SENP2: variants seen among roughly 807,000 people sequenced by gnomAD.
SENP2 encodes SUMO specific peptidase 2.
In SENP2, 16 loss-of-function variants were observed where a neutral mutation model predicts 86.3. The observed-to-expected ratio is 0.19, with a 90% CI of 0.13 to 0.28. The LOEUF is 0.28. SENP2 is among the 10% of genes least tolerant of loss of function. The pLI, the probability that SENP2 is intolerant of heterozygous loss-of-function variation, is 1.00. For synonymous variants in SENP2, 222 were observed against 238.7 expected (o/e 0.93, Z 0.64); for missense variants, 552 against 703.0 (o/e 0.79, Z 2.43).
intron 2 of SENP2, among the ~76,000 whole-genome samples, chr3:185,595,081 A>C (rs987551400): frequency 2.0e-5 from 3 of 152,236 alleles, no homozygotes; most frequent in Non-Finnish European, 4.4e-5. Flanking sequence ...GTCTAGTTTC[A>C]GGGAAGTAAG....
Position 185,586,376 on chromosome 3 carries a change from T to G in SENP2, c.-38T>G. 6.2e-7 allele frequency: 1 copy of G among 1,612,394 alleles called. No homozygotes were observed. The highest frequency in any genetic ancestry group is 8.5e-7 in the Non-Finnish European group (1 of 1,179,486). ...CGGCGACAGCTCTGGGGTTTGCGTC[T>G]CGGGGTGTGTCGGCCGCCGCTGCTG... On this transcript the variant is annotated 5_prime_UTR_variant, in exon 1 of 17. Coordinates refer to ENST00000296257, the MANE Select transcript of SENP2 (RefSeq NM_021627.3). The surrounding 1 kb of genome is among the most constrained non-coding windows in gnomAD (Gnocchi z 4.3).
chr3:185,613,027 A>G (rs967249692), intron 9 of SENP2, among the ~76,000 whole-genome samples: 2 of 152,250 alleles, frequency 1.3e-5, no homozygotes, highest in African/African-American at 4.8e-5. Context: ...ACTATGGCCC[A>G]TGGGCCAAAT....
chr3:185,604,978 ACTC>A (rs1722464824), intron 5 of SENP2, among the ~76,000 whole-genome samples: 2 of 145,890 alleles, frequency 1.4e-5, no homozygotes, highest in African/African-American at 5.0e-5. Flanking sequence ...CTGGTCTTGA[ACTC>A]CTGACCTCGT....
rs1722734658 is a variant in SENP2 at position 185,612,653 on chromosome 3, A to G, written c.864A>G (p.Glu288=). Residue 288 remains glutamate (E), a synonymous_variant, in exon 9 of 17, where the codon GAA becomes GAG. Transcript: ENST00000296257. ...GACCTCTATGTTCATTGAGAAGTGA[A>G]AAGAGGTACGTACATTCAGTTCATT... ...TRGPLCSLRS[E]KRCSKGKITD... The G allele has an allele frequency of 1.2e-6, 2 of 1,603,546 alleles. No homozygotes were observed. The highest frequency in any genetic ancestry group is 1.7e-6 in the Non-Finnish European group (2 of 1,170,586).
At chr3:185,628,345 C>G (rs183308076) in intron 16 of SENP2, among the ~76,000 whole-genome samples, 1 of 152,254 alleles carries the variant, frequency 6.6e-6, no homozygotes, top group Admixed American at 6.5e-5. Flanking sequence ...CCATATTGGC[C>G]AGGCTGGTCT....
chr3:185,611,492 T>G, intron 7 of SENP2, 159 bp from the exon 8 acceptor site: 1 of 518,586 alleles, frequency 1.9e-6, no homozygotes, highest in South Asian at 2.6e-5. Context: ...TAGACTCCTT[T>G]TATCCTAGTC....
chr3:185,626,306 T>C lies in SENP2; in HGVS notation c.1620T>C (p.Pro540=). 2.5e-6 allele frequency: 4 copies of C among 1,607,536 alleles called. No homozygotes were observed. The highest frequency in any genetic ancestry group is 3.4e-6 in the Non-Finnish European group (4 of 1,175,452). The change falls in exon 16 of 17, where the codon CCT becomes CCC. Residue 540 remains proline (P), a synonymous_variant. Transcript: ENST00000296257. ...TTTCTTTGTAATTTTAGGAGATTCCTCAACAGCTGAATGGGAGTGATTGTG... is the reference window on the plus strand; with the variant it reads ...TTTCTTTGTAATTTTAGGAGATTCCCCAACAGCTGAATGGGAGTGATTGTG... The part of the protein sequence containing the change: ...THHSMKPHEI[P]QQLNGSDCGM...
At chr3:185,615,425 C>A (rs1711564679) in intron 11 of SENP2, among the ~76,000 whole-genome samples, 1 of 152,182 alleles carries the variant, frequency 6.6e-6, no homozygotes, top group African/African-American at 2.4e-5. Flanking sequence ...CTCACTGCAA[C>A]CTCTGCATCC....
intron 16 of SENP2, among the ~76,000 whole-genome samples, chr3:185,628,060 T>G (rs1348503734): frequency 1.3e-5 from 2 of 152,226 alleles, no homozygotes; most frequent in Non-Finnish European, 2.9e-5. Context: ...TGTTTTGAAC[T>G]ATTTAAAATA....
chr3:185,609,154 C>G (rs1722606030), intron 6 of SENP2, 93 bp from the exon 7 acceptor site: 1 of 765,584 alleles, frequency 1.3e-6, no homozygotes, highest in Non-Finnish European at 2.2e-6. Flanking sequence ...AAACATAGTG[C>G]TGGCAAATAA....
At chr3:185,598,768 T>C (rs75457670) in intron 3 of SENP2, among the ~76,000 whole-genome samples, 190 bp from the exon 4 acceptor site, 13,002 of 152,262 alleles carry the variant, frequency 0.085, 866 homozygotes, top group South Asian at 0.34. Context: ...GCTTTCTTAT[T>C]TAAGGATGTA....
intron 1 of SENP2, among the ~76,000 whole-genome samples, chr3:185,587,209 C>T (rs555916584): frequency 7.3e-5 from 11 of 150,442 alleles, no homozygotes; most frequent in Non-Finnish European, 1.3e-4. Context: ...CTCGGCTTAC[C>T]GCAACCTCCG....
At position 185,604,763 on chromosome 3, in the gene SENP2, C is replaced by CT. The variant is rs984190661; in HGVS notation, c.450-1557dup. Among the ~76,000 whole-genome samples the CT allele has an allele frequency of 2.9e-3, 424 of 147,572 alleles. 2 individuals carry two copies. The highest frequency in any genetic ancestry group is 4.9e-3 in the Non-Finnish European group (324 of 66,626). On this transcript the variant is annotated intron_variant, in intron 5 of 16. Transcript: ENST00000296257. ...TGAGTCTGTTTATTTTTTTTCTTTTCTTTTTTTTTTGAGATGGAGCCTTGC... is the reference window on the plus strand; with the variant it reads ...TGAGTCTGTTTATTTTTTTTCTTTTCTTTTTTTTTTTGAGATGGAGCCTTGC...
chr3:185,621,267 C>A, intron 13 of SENP2, among the ~76,000 whole-genome samples: 2 of 138,754 alleles, frequency 1.4e-5, no homozygotes, highest in South Asian at 2.3e-4. Flanking sequence ...TCTGAGAGGA[C>A]CACTAATTTT....
chr3:185,619,027 A>G (rs1301327075), intron 12 of SENP2, among the ~76,000 whole-genome samples: 1 of 151,978 alleles, frequency 6.6e-6, no homozygotes, highest in African/African-American at 2.4e-5. Context: ...TGATACAGTT[A>G]TGTAGATCTT....
intron 7 of SENP2, among the ~76,000 whole-genome samples, chr3:185,611,028 C>T (rs1372035377): frequency 2.0e-5 from 3 of 152,136 alleles, no homozygotes; most frequent in East Asian, 1.9e-4. Flanking sequence ...GTAATCCCAG[C>T]GCTTTGGGAG....
Position 185,586,786 on chromosome 3 carries a change from G to T in SENP2, c.101+272G>T, listed in dbSNP as rs1054524528. 6.6e-6 allele frequency among the ~76,000 whole-genome samples: 1 copy of T among 152,204 alleles called. No homozygotes were observed. Among genetic ancestry groups the T allele is most frequent in the African/African-American group, 2.4e-5 (1 of 41,440 alleles). ...AACAAATGGGGCTTTGCCGCTCTTA[G>T]GCTGAACACTAACATTGAAGGAATA... On this transcript the variant is annotated intron_variant, in intron 1 of 16. Transcript: ENST00000296257. The surrounding 1 kb of genome is among the most constrained non-coding windows in gnomAD (Gnocchi z 4.3).
intron 6 of SENP2, among the ~76,000 whole-genome samples, chr3:185,607,459 G>C (rs1348752260): frequency 2.0e-5 from 3 of 150,742 alleles, no homozygotes; most frequent in African/African-American, 7.3e-5. Flanking sequence ...CTCCCAAGTA[G>C]CTGGGATTAC....
At chr3:185,605,320 G>A (rs932012278) in intron 5 of SENP2, among the ~76,000 whole-genome samples, 164 of 151,736 alleles carry the variant, frequency 1.1e-3, no homozygotes, top group African/African-American at 3.8e-3. Context: ...GCAGTGAGCC[G>A]AGATCGTGCC....
Sources: gnomAD v4.1 joint callset for allele counts (sites outside exome capture counted in the v4.1 genomes callset) on GRCh38, gnomAD v4.1.1 for gene constraint, Gnocchi (gnomAD v3.1) non-coding constraint, MANE v1.5 for transcripts, NCBI Gene and HGNC (gene_info 2026-07-23, HGNC 2026-07-21) for gene names.